Variants in COLQ observed in about 807,000 individuals in gnomAD.
The protein encoded by COLQ is acetylcholinesterase collagenic tail peptide.
A neutral mutation model predicts 69.0 loss-of-function variants in COLQ; 48 were observed. The ratio of observed to expected loss-of-function variants is 0.70; its 90% CI spans 0.55 to 0.88. COLQ has a LOEUF of 0.88. COLQ is among the 40% of genes least tolerant of loss of function. The probability of loss-of-function intolerance (pLI) is 0.00; values close to 1 mark genes in which losing one functional copy is unlikely to be tolerated. For synonymous variants in COLQ, 217 were observed against 211.2 expected, an observed-to-expected ratio of 1.03 and a Z score of -0.24; for missense variants, 618 against 594.6, an observed-to-expected ratio of 1.04 and a Z score of -0.41.
chr3:15,463,763 C>T (rs966940538), intron 12 of COLQ, among the ~76,000 whole-genome samples: 4 of 152,096 alleles, frequency 2.6e-5, no homozygotes, highest in Non-Finnish European at 5.9e-5. Flanking sequence ...TATGGGGCTC[C>T]AGGGGGACAT....
chr3:15,515,481 G>A (rs1453105857), intron 1 of COLQ, among the ~76,000 whole-genome samples: 1 of 152,196 alleles, frequency 6.6e-6, no homozygotes, highest in African/African-American at 2.4e-5. Flanking sequence ...GTCCATAGGA[G>A]AAATACAAGT....
At chr3:15,493,956 G>A (rs1171959718) in intron 1 of COLQ, among the ~76,000 whole-genome samples, 1 of 152,250 alleles carries the variant, frequency 6.6e-6, no homozygotes, top group East Asian at 1.9e-4. Context: ...GGTGGCACAT[G>A]CTTGTAATCC....
chr3:15,489,774 CT>C, intron 1 of COLQ, 137 bp from the exon 2 acceptor site: 2 of 720,674 alleles, frequency 2.8e-6, no homozygotes, highest in Non-Finnish European at 2.5e-6. Flanking sequence ...GTGGATAGGC[CT>C]CCTGTTGGCT....
intron 11 of COLQ, among the ~76,000 whole-genome samples, chr3:15,469,176 A>G (rs1193708598): frequency 6.6e-6 from 1 of 152,082 alleles, no homozygotes; most frequent in Non-Finnish European, 1.5e-5. Flanking sequence ...AACTTCTCTG[A>G]GCTCCCAGAT....
At chr3:15,452,130 G>C (rs2061953434) in intron 16 of COLQ, among the ~76,000 whole-genome samples, 1 of 148,014 alleles carries the variant, frequency 6.8e-6, no homozygotes, top group Non-Finnish European at 1.5e-5. Flanking sequence ...GCAGTGGTGT[G>C]ATCTCGGCTC....
At chr3:15,484,350 CAGT>C (rs1471677854) in intron 3 of COLQ, among the ~76,000 whole-genome samples, 5 of 152,146 alleles carry the variant, frequency 3.3e-5, no homozygotes, top group Non-Finnish European at 5.9e-5. Context: ...TGGCTGGTAC[CAGT>C]TGTTCCTTTC....
chr3:15,474,138 C>T (rs2062336717), intron 9 of COLQ, 90 bp downstream of exon 9: 5 of 1,595,032 alleles, frequency 3.1e-6, no homozygotes, highest in Non-Finnish European at 3.4e-6. Flanking sequence ...GCCTGTCCAT[C>T]AGTCCATCAT....
chr3:15,489,756 T>A (rs2062633659), intron 1 of COLQ, 119 bp from the exon 2 acceptor site: 1 of 832,802 alleles, frequency 1.2e-6, no homozygotes, highest in South Asian at 1.5e-5. Context: ...ATTTCTAGCC[T>A]GTTAGATGTG....
intron 3 of COLQ, among the ~76,000 whole-genome samples, chr3:15,487,026 C>T (rs879730100): frequency 2.6e-5 from 4 of 152,174 alleles, no homozygotes; most frequent in Admixed American, 2.6e-4. Flanking sequence ...GTTTGCCAAC[C>T]CCTGCCATTG....
intron 11 of COLQ, chr3:15,467,958 A>T (rs1000097828): frequency 4.4e-6 from 2 of 456,630 alleles, no homozygotes; most frequent in African/African-American, 4.0e-5. Flanking sequence ...TTCCATGTTT[A>T]TGGAGGGAGT....
intron 1 of COLQ, among the ~76,000 whole-genome samples, chr3:15,516,916 C>T (rs1398156308): frequency 6.6e-6 from 1 of 152,124 alleles, no homozygotes; most frequent in African/African-American, 2.4e-5. Flanking sequence ...TCAAGGCCAG[C>T]GGATCACTTG....
At chr3:15,481,091 T>C (rs1358552167) in intron 3 of COLQ, among the ~76,000 whole-genome samples, 1 of 152,182 alleles carries the variant, frequency 6.6e-6, no homozygotes, top group Non-Finnish European at 1.5e-5. Context: ...CCTTTGTAGA[T>C]TTTGGATATT....
chr3:15,507,596 AG>A (rs35943007), intron 1 of COLQ, among the ~76,000 whole-genome samples: 4 of 152,220 alleles, frequency 2.6e-5, no homozygotes, highest in Non-Finnish European at 5.9e-5. Context: ...CTGGGACTAC[AG>A]GTGTGTGCAA....
intron 1 of COLQ, among the ~76,000 whole-genome samples, chr3:15,501,306 T>C (rs1478787897): frequency 1.3e-5 from 2 of 152,234 alleles, no homozygotes; most frequent in African/African-American, 2.4e-5. Context: ...CTGTCCCTGC[T>C]GCTGCCACAC....
rs2062051181 is a variant in COLQ, at chr3:15,458,181, CTTACCACAG to C, written c.950_954+4del. The C allele has an allele frequency of 6.2e-7, 1 of 1,613,208 alleles. No homozygotes were observed. The highest frequency in any genetic ancestry group is 8.5e-7 in the Non-Finnish European group (1 of 1,180,034). On this transcript the variant is annotated splice_donor_variant and splice_donor_region_variant and coding_sequence_variant and intron_variant, in exon 13 of 17. Coordinates refer to ENST00000383788, the MANE Select transcript of COLQ (RefSeq NM_005677.4). LOFTEE classifies it high-confidence loss of function. The stretch of plus-strand genomic sequence containing the variant: ...CCACCCCAGACTTCTCCCAGAAAGC[CTTACCACAG>C]GAACTCGCGGGGAACTGGGCCCATA...
intron 1 of COLQ, among the ~76,000 whole-genome samples, chr3:15,518,278 C>T (rs2063088907): frequency 1.3e-5 from 2 of 152,072 alleles, no homozygotes; most frequent in African/African-American, 4.8e-5. Flanking sequence ...GGCCCATTTC[C>T]TAATTCTTTA....
chr3:15,453,499 G>A (rs538259139), intron 16 of COLQ, among the ~76,000 whole-genome samples: 1 of 152,308 alleles, frequency 6.6e-6, no homozygotes, highest in South Asian at 2.1e-4. Context: ...CACAGCCCAG[G>A]AGACTATGTA....
intron 1 of COLQ, among the ~76,000 whole-genome samples, chr3:15,499,115 A>C (rs1388828770): frequency 1.3e-5 from 2 of 151,900 alleles, no homozygotes; most frequent in East Asian, 3.9e-4. Flanking sequence ...TGTCTGGGCC[A>C]AAGTGTTGCT....
Position 15,479,342 on chromosome 3 carries a change from T to G in COLQ, c.362A>C (p.Glu121Ala), listed in dbSNP as rs1346154256. 1 of 1,614,054 alleles carries G rather than the reference T, an allele frequency of 6.2e-7. No homozygotes were observed. The highest frequency in any genetic ancestry group is 1.1e-5 in the South Asian group (1 of 91,072). The change falls in exon 4 of 17, where the codon GAA (glutamate) becomes GCA (alanine). Residue 121 changes from glutamate (E) to alanine (A), a missense_variant. Physicochemically the swap from Glu to Ala is moderately radical, Grantham distance 107. Transcript: ENST00000383788. ...GAAGAAAGTAGTGGTCCATACCTTT[T>G]CTCCCTTTGGTCCTGTCTTGCCAGG... is the stretch of plus-strand genomic sequence containing the variant. ...GLPGKTGPKG[E>A]KGELGRPGRK...
Sources: allele counts gnomAD v4.1 joint callset (sites outside exome capture counted in the v4.1 genomes callset), GRCh38; gene constraint gnomAD v4.1.1; transcripts MANE v1.5; gene names NCBI Gene and HGNC (gene_info 2026-07-23, HGNC 2026-07-21).